The following PPP1CC variants were observed in gnomAD, a reference collection of about 807,000 sequenced individuals.
The protein encoded by PPP1CC is serine/threonine-protein phosphatase PP1-gamma catalytic subunit.
PPP1CC carries 16 observed loss-of-function variants against 38.4 expected under a neutral mutation model. The observed-to-expected ratio is 0.42, with a 90% confidence interval of 0.28 to 0.63. PPP1CC has a LOEUF of 0.63. Ranked by LOEUF, PPP1CC falls within the 30% of genes least tolerant of loss-of-function variation. PPP1CC has a pLI of 0.25. For synonymous variants in PPP1CC, 158 were observed against 136.0 expected, an observed-to-expected ratio of 1.16 and a Z score of -1.13; for missense variants, 170 against 391.3, an observed-to-expected ratio of 0.43 and a Z score of 4.77.
chr12:110,740,461 T>G (rs1015879144), intron 1 of PPP1CC, among the ~76,000 whole-genome samples: 1 of 152,092 alleles, frequency 6.6e-6, no homozygotes, highest in Admixed American at 6.6e-5. Flanking sequence ...AATAAAAAAT[T>G]GTAAAACAGA....
chr12:110,736,126 G>A (rs1231804500), intron 1 of PPP1CC, among the ~76,000 whole-genome samples: 2 of 151,974 alleles, frequency 1.3e-5, no homozygotes, highest in African/African-American at 4.8e-5. Context: ...CAACAAAAAA[G>A]CAACACCAAC....
At chr12:110,727,708 A>G (rs1200944580) in intron 3 of PPP1CC, among the ~76,000 whole-genome samples, 3 of 152,128 alleles carry the variant, frequency 2.0e-5, no homozygotes. Context: ...CAACATTTGA[A>G]TACAACTTTT....
At chr12:110,724,882 C>T in intron 3 of PPP1CC, 118 bp from the exon 4 acceptor site, 1 of 537,606 alleles carries the variant, frequency 1.9e-6, no homozygotes, top group Middle Eastern at 3.5e-4. Flanking sequence ...GCAAATGAAA[C>T]TATGTTTTTA....
At chr12:110,739,311 A>C (rs561447132) in intron 1 of PPP1CC, among the ~76,000 whole-genome samples, 4 of 152,232 alleles carry the variant, frequency 2.6e-5, no homozygotes, top group Non-Finnish European at 5.9e-5. Context: ...CTGTCTCCAA[A>C]ATAAAATAAA....
the PPP1CC span, among the ~76,000 whole-genome samples, chr12:110,710,631 T>C: frequency 2.2e-5 from 3 of 136,932 alleles, no homozygotes; most frequent in African/African-American, 8.5e-5. Flanking sequence ...GGCAGGAGAA[T>C]GGCATGAACC....
chr12:110,726,496 G>T (rs190691400), intron 3 of PPP1CC: 11 of 152,246 alleles, frequency 7.2e-5, no homozygotes, highest in African/African-American at 2.6e-4. Context: ...AGTAAGCCAA[G>T]ATCGCACCAT....
intron 1 of PPP1CC, among the ~76,000 whole-genome samples, chr12:110,735,348 G>A (rs1441247250): frequency 6.6e-6 from 1 of 152,078 alleles, no homozygotes; most frequent in African/African-American, 2.4e-5. Flanking sequence ...AACGATCCTA[G>A]GAAGTCAGGC....
the PPP1CC span, among the ~76,000 whole-genome samples, chr12:110,713,206 C>T: frequency 6.6e-6 from 1 of 151,674 alleles, no homozygotes; most frequent in African/African-American, 2.4e-5. Flanking sequence ...GATCTTGGCT[C>T]ACTGCAACCA....
rs1458202018 is a variant in PPP1CC at position 110,722,114 on chromosome 12, C to A, written c.882+21G>T. On this transcript the variant is annotated intron_variant, in intron 6 of 6. Coordinates refer to ENST00000335007, the MANE Select transcript of PPP1CC (RefSeq NM_002710.4). This position sits in a 1 kb window ranked among gnomAD's most constrained non-coding sequence, Gnocchi z 5.4. ...AAGTGTAAACATATTAAAAGGAAAT[C>A]ATGTTGAAAGCATGCTCTACCTGAA... 6.2e-7 allele frequency: 1 copy of A among 1,610,898 alleles called. No individual in the cohort carries two copies. The highest frequency in any genetic ancestry group is 2.2e-5 in the East Asian group (1 of 44,846).
chr12:110,717,860 G>A (rs1230218349), downstream of PPP1CC, among the ~76,000 whole-genome samples: 1 of 152,118 alleles, frequency 6.6e-6, no homozygotes, highest in Non-Finnish European at 1.5e-5. Context: ...AATTCACATG[G>A]TGTCTGCAAA....
At chr12:110,734,848 T>C (rs2069923526) in intron 1 of PPP1CC, 1 of 152,502 alleles carries the variant, frequency 6.6e-6, no homozygotes, top group African/African-American at 2.4e-5. Context: ...TCTTAAAAGT[T>C]GTCATATCAG....
chr12:110,715,626 T>C (rs541448264), downstream of PPP1CC, among the ~76,000 whole-genome samples: 17 of 151,860 alleles, frequency 1.1e-4, no homozygotes, highest in Non-Finnish European at 4.4e-5. Context: ...TATGCTACTT[T>C]TTTTCTTTTT....
chr12:110,712,545 CAGG>C, the PPP1CC span, among the ~76,000 whole-genome samples: 303 of 140,104 alleles, frequency 2.2e-3, no homozygotes, highest in Middle Eastern at 7.9e-3. Context: ...GAGGCTGAGG[CAGG>C]AGAATCACTT....
At position 110,742,529 on chromosome 12, in the gene PPP1CC, A is replaced by T. The variant is rs2070029948; in HGVS notation, c.55+124T>A. On this transcript the variant is annotated intron_variant, in intron 1 of 6. Coordinates refer to ENST00000335007, the MANE Select transcript of PPP1CC (RefSeq NM_002710.4). ...AGTCCCCGGCCCGTGGGCCAACTCG[A>T]GGAGCTCACTCCCCACGGTGCTGCA... 7 of 785,542 alleles carry T rather than the reference A, an allele frequency of 8.9e-6. No individual in the cohort carries two copies. In the East Asian group the frequency reaches 2.4e-4, roughly 27 times the overall value. 48.7% of individuals were successfully genotyped at this position (785,542 alleles called of 1,614,324 possible). A position where few individuals can be genotyped will look rare whatever the true frequency, so the allele number is the denominator to read the frequency against.
At chr12:110,739,971 G>A (rs1378768992) in intron 1 of PPP1CC, among the ~76,000 whole-genome samples, 1 of 152,132 alleles carries the variant, frequency 6.6e-6, no homozygotes, top group Non-Finnish European at 1.5e-5. Flanking sequence ...GCAGAGCTTG[G>A]ATAAAAGCAT....
At chr12:110,728,500 C>A (rs1290532850) in intron 3 of PPP1CC, among the ~76,000 whole-genome samples, 1 of 151,946 alleles carries the variant, frequency 6.6e-6, no homozygotes, top group Non-Finnish European at 1.5e-5. Flanking sequence ...TGACTGTAAT[C>A]CCAGCACTTA....
chr12:110,721,507 C>T (rs929514769), intron 6 of PPP1CC: 1 of 182,758 alleles, frequency 5.5e-6, no homozygotes, highest in Non-Finnish European at 1.1e-5. Context: ...GGGATCCTTG[C>T]ACAATCTTTG....
chr12:110,723,217 G>C (rs1277234281), intron 4 of PPP1CC, among the ~76,000 whole-genome samples: 2 of 151,900 alleles, frequency 1.3e-5, no homozygotes, highest in Non-Finnish European at 2.9e-5. Context: ...CAAAACCTAA[G>C]TACAGAAGCA....
intron 2 of PPP1CC, 80 bp downstream of exon 2, chr12:110,731,690 C>T: frequency 6.2e-6 from 9 of 1,455,226 alleles, no homozygotes; most frequent in Non-Finnish European, 6.5e-6. Flanking sequence ...ATTCTGCTAG[C>T]TAATACAAGG....
Sources: gnomAD v4.1 joint callset for allele counts (sites outside exome capture counted in the v4.1 genomes callset) on GRCh38, gnomAD v4.1.1 for gene constraint, Gnocchi (gnomAD v3.1) non-coding constraint, MANE v1.5 for transcripts, NCBI Gene and HGNC (gene_info 2026-07-23, HGNC 2026-07-21) for gene names.